Variants in KNTC1 observed in about 807,000 individuals in gnomAD.
KNTC1 encodes kinetochore-associated protein 1.
A neutral mutation model predicts 314.4 loss-of-function variants in KNTC1; 253 were observed. The observed-to-expected ratio is 0.80, with a 90% CI of 0.73 to 0.89. The LOEUF (loss-of-function observed/expected upper bound fraction) is 0.89. Among genes scored for constraint, KNTC1 ranks in the 40% least tolerant of loss-of-function variants. KNTC1 has a pLI of 0.00. For missense variants in KNTC1, 2,475 were observed against 2,572.9 expected (o/e 0.96, Z 0.82); for synonymous variants, 901 against 901.4 (o/e 1.00, Z 0.01).
At chr12:122,624,958 A>G (rs1454353636) in intron 63 of KNTC1, among the ~76,000 whole-genome samples, 1 of 152,252 alleles carries the variant, frequency 6.6e-6, no homozygotes, top group Non-Finnish European at 1.5e-5. Context: ...GCTTTCCAGC[A>G]TTACCATTCC....
At chr12:122,531,114 T>A (rs1961279781) in intron 2 of KNTC1, among the ~76,000 whole-genome samples, 1 of 152,008 alleles carries the variant, frequency 6.6e-6, no homozygotes, top group Non-Finnish European at 1.5e-5. Flanking sequence ...AGGCAGGGCA[T>A]CCACTGTGGA....
chr12:122,548,850 C>T (rs1962982472), intron 12 of KNTC1, among the ~76,000 whole-genome samples: 1 of 151,828 alleles, frequency 6.6e-6, no homozygotes, highest in African/African-American at 2.4e-5. Context: ...CACCTGTAAT[C>T]CCAGTTACTC....
intron 24 of KNTC1, 144 bp downstream of exon 24, chr12:122,571,270 A>C: frequency 2.0e-6 from 1 of 506,624 alleles, no homozygotes. Context: ...TGTGCCTTTC[A>C]AATCCATATG....
rs904208129 is a variant in KNTC1, at chr12:122,594,004, G to A, written c.4246-272G>A. The A allele has an allele frequency of 7.6e-6, 3 of 394,178 alleles. No individual in the cohort carries two copies. In the Admixed American group the frequency reaches 1.2e-4, roughly 16 times the overall value. The allele number at this position is 394,178 out of a possible 1,614,324, so 24.4% of individuals were successfully genotyped here. ...ATATGTTTTGAAGCTTAATTCTTCTGCAGTAATGGAACTGGTGTTCTGTTG... is the reference window on the plus strand; with the variant it reads ...ATATGTTTTGAAGCTTAATTCTTCTACAGTAATGGAACTGGTGTTCTGTTG... On this transcript the variant is annotated intron_variant, in intron 42 of 63. Coordinates refer to ENST00000333479, the MANE Select transcript of KNTC1 (RefSeq NM_014708.6).
chr12:122,587,031 G>A (rs1869443878), intron 38 of KNTC1, among the ~76,000 whole-genome samples: 1 of 151,976 alleles, frequency 6.6e-6, no homozygotes, highest in Non-Finnish European at 1.5e-5. Flanking sequence ...TGGCCAGCCT[G>A]GTCTTGAACT....
intron 62 of KNTC1, among the ~76,000 whole-genome samples, chr12:122,622,997 A>G (rs1332011991): frequency 6.6e-6 from 1 of 152,120 alleles, no homozygotes. Flanking sequence ...TCAACTGTAG[A>G]GCTATTTGGT....
At chr12:122,536,293 T>C (rs1487312310) in intron 3 of KNTC1, among the ~76,000 whole-genome samples, 1 of 151,546 alleles carries the variant, frequency 6.6e-6, no homozygotes, top group Non-Finnish European at 1.5e-5. Flanking sequence ...GGTGGCATGA[T>C]GTCAGCTCAC....
intron 55 of KNTC1, 61 bp from the exon 56 acceptor site, chr12:122,614,930 A>G: frequency 8.1e-7 from 1 of 1,238,446 alleles, no homozygotes; most frequent in Non-Finnish European, 1.2e-6. Flanking sequence ...TACTTTTCCA[A>G]AGATGGCTTG....
At chr12:122,538,300 T>A (rs776743539) in intron 3 of KNTC1, 39 bp from the exon 4 acceptor site, 1 of 1,187,072 alleles carries the variant, frequency 8.4e-7, no homozygotes, top group Non-Finnish European at 1.2e-6. Flanking sequence ...AAATAAAGAT[T>A]TTCGAAGGAA....
chr12:122,549,339 G>T (rs1342090346), intron 12 of KNTC1, among the ~76,000 whole-genome samples: 2 of 151,088 alleles, frequency 1.3e-5, no homozygotes, highest in African/African-American at 2.4e-5. Flanking sequence ...TGTGTTTTTG[G>T]TTTTTTGTTT....
intron 1 of KNTC1, among the ~76,000 whole-genome samples, chr12:122,529,415 T>C (rs1377053837): frequency 6.6e-6 from 1 of 152,202 alleles, no homozygotes; most frequent in African/African-American, 2.4e-5. Context: ...GGTAATATGG[T>C]TTATGTAAAC....
rs1165491349 is a variant in KNTC1 at position 122,626,207 on chromosome 12, G to A, written c.6609G>A (p.Met2203Ile). 2 of 1,578,152 alleles carry A rather than the reference G, an allele frequency of 1.3e-6. No homozygotes were observed. The highest frequency in any genetic ancestry group is 8.7e-7 in the Non-Finnish European group (1 of 1,155,360). The change falls in exon 64 of 64, where the codon ATG becomes ATA. Residue 2203 changes from methionine to isoleucine, a missense_variant and splice_region_variant. Met to Ile is a conservative substitution (Grantham distance 10). Coordinates refer to ENST00000333479, the MANE Select transcript of KNTC1 (RefSeq NM_014708.6). ...PDTAPCEILKMFLSGLS is the reference protein window; with the variant it reads ...PDTAPCEILKIFLSGLS ...CTTCTGTGTTTCTTCCCATTTAGATGTTTCTTAGTGGATTATCGTAAATCA... is the reference window on the plus strand; with the variant it reads ...CTTCTGTGTTTCTTCCCATTTAGATATTTCTTAGTGGATTATCGTAAATCA...
chr12:122,591,990 A>G (rs535876172), intron 42 of KNTC1, among the ~76,000 whole-genome samples: 7 of 152,308 alleles, frequency 4.6e-5, no homozygotes, highest in Admixed American at 3.9e-4. Flanking sequence ...CCAAGGCCAG[A>G]GCCGGCTCCC....
chr12:122,528,957 C>T (rs1457537209), intron 1 of KNTC1, among the ~76,000 whole-genome samples: 1 of 152,128 alleles, frequency 6.6e-6, no homozygotes. Flanking sequence ...ATTCTACAGC[C>T]TCAGCCTCCT....
intron 20 of KNTC1, among the ~76,000 whole-genome samples, chr12:122,567,451 C>G (rs773045723): frequency 5.9e-5 from 9 of 152,066 alleles, no homozygotes; most frequent in Non-Finnish European, 1.2e-4. Flanking sequence ...TTGTTTTTTC[C>G]AGGTATATAA....
At chr12:122,551,053 C>A (rs2137775483) in intron 13 of KNTC1, among the ~76,000 whole-genome samples, 1 of 152,150 alleles carries the variant, frequency 6.6e-6, no homozygotes, top group African/African-American at 2.4e-5. Flanking sequence ...TCAGATTTCC[C>A]CATTTATAAA....
rs1214945831 is a variant in KNTC1, at chr12:122,554,072, A to AT, written c.1272+2376_1272+2377insT. Among the ~76,000 whole-genome samples the AT allele has an allele frequency of 6.2e-3, 396 of 63,980 alleles. 6 individuals are homozygous for AT. The highest frequency in any genetic ancestry group is 5.6e-3 in the South Asian group (9 of 1,606). The allele number at this position is 63,980 out of a possible 152,430, so 42.0% of individuals were successfully genotyped here. On this transcript the variant is annotated intron_variant, in intron 16 of 63. Transcript: ENST00000333479. ...CATACAGAATACTTCCTTAAAAAAA[A>AT]AAAAATATATATATATATATATATA...
chr12:122,617,313 A>G (rs1873870084), intron 57 of KNTC1: 2 of 377,486 alleles, frequency 5.3e-6, no homozygotes, highest in Non-Finnish European at 5.3e-6. Context: ...TATTCTCCAG[A>G]ATATGTGGTA....
In KNTC1 at chr12:122,580,682, G is replaced by A; in HGVS notation, c.2982+12G>A. 6.6e-7 allele frequency: 1 copy of A among 1,520,670 alleles called. No individual in the cohort carries two copies. The highest frequency in any genetic ancestry group is 2.4e-5 in the East Asian group (1 of 42,160). The allele number at this position is 1,520,670 out of a possible 1,614,324, so 94.2% of individuals were successfully genotyped here. A position where few individuals can be genotyped will look rare whatever the true frequency, so the allele number is the denominator to read the frequency against. ...TTGCTAGCTTACAGGTAAACATATT[G>A]AGCCATGTTAAACATTATTACTTGA... On this transcript the variant is annotated intron_variant, in intron 33 of 63. Transcript: ENST00000333479.
Sources: allele counts gnomAD v4.1 joint callset (sites outside exome capture counted in the v4.1 genomes callset), GRCh38; gene constraint gnomAD v4.1.1; transcripts MANE v1.5; gene names NCBI Gene and HGNC (gene_info 2026-07-23, HGNC 2026-07-21).